The following UNC5D variants were observed in gnomAD, a reference collection of about 807,000 sequenced individuals.
UNC5D encodes the protein netrin receptor UNC5D.
A neutral mutation model predicts 105.4 loss-of-function variants in UNC5D; 39 were observed. That is an observed-to-expected ratio of 0.37 (90% CI 0.29 to 0.48). UNC5D has a LOEUF of 0.48. UNC5D is among the 20% of genes least tolerant of loss of function. UNC5D has a pLI of 0.98. For missense variants in UNC5D, 991 were observed against 1,202.4 expected, an observed-to-expected ratio of 0.82 and a Z score of 2.60; for synonymous variants, 452 against 450.4, an observed-to-expected ratio of 1.00 and a Z score of -0.04.
chr8:35,455,885 T>C (rs1386680299), intron 1 of UNC5D, among the ~76,000 whole-genome samples: 1 of 152,090 alleles, frequency 6.6e-6, no homozygotes, highest in Non-Finnish European at 1.5e-5. Flanking sequence ...TTCAATTATG[T>C]CCTGCTGGGG....
At chr8:35,774,584 T>C (rs1802155152) in intron 16 of UNC5D, 107 bp downstream of exon 16, 1 of 1,374,844 alleles carries the variant, frequency 7.3e-7, no homozygotes, top group African/African-American at 1.4e-5. Flanking sequence ...TTTTATGAGT[T>C]CCTCTGGCCA....
At position 35,278,166 on chromosome 8, in the gene UNC5D, G is replaced by T. The variant is rs117505221; in HGVS notation, c.103+42279G>T. Reference sequence around the variant, plus strand: ...ATCTAGCACTGAGTTCTGATGTCTGGTCCCTGCTCACAGTGCCCTCCAACT... The same window carrying T: ...ATCTAGCACTGAGTTCTGATGTCTGTTCCCTGCTCACAGTGCCCTCCAACT... On this transcript the variant is annotated intron_variant, in intron 1 of 16. Transcript: ENST00000404895. Among the ~76,000 whole-genome samples, 123 of 152,164 alleles carry T rather than the reference G, an allele frequency of 8.1e-4. No individual in the cohort carries two copies. In the East Asian group the frequency reaches 0.022, roughly 27 times the overall value.
Position 35,792,330 on chromosome 8 carries a change from CAT to C in UNC5D, c.*1768_*1769del, listed in dbSNP as rs1296847667. 2.0e-5 allele frequency: 3 copies of C among 152,132 alleles called. No homozygotes were observed. Among genetic ancestry groups the C allele is most frequent in the Non-Finnish European group, 2.9e-5 (2 of 68,022 alleles). The allele number at this position is 152,132 out of a possible 1,614,324, so 9.4% of individuals were successfully genotyped here. A position where few individuals can be genotyped will look rare whatever the true frequency, so the allele number is the denominator to read the frequency against. Reference sequence around the variant, plus strand: ...TGTGTTGGCCATTTTCTCTAACTAACATGTGGTATGTATGGTCCCCTATATTA... The same window carrying C: ...TGTGTTGGCCATTTTCTCTAACTAACGTGGTATGTATGGTCCCCTATATTA... On this transcript the variant is annotated 3_prime_UTR_variant, in exon 17 of 17. Transcript: ENST00000404895.
chr8:35,707,824 T>C (rs1827685840), intron 8 of UNC5D, among the ~76,000 whole-genome samples: 1 of 152,208 alleles, frequency 6.6e-6, no homozygotes, highest in Admixed American at 6.5e-5. Context: ...GAATTAGTTT[T>C]TGCTTGGGGT....
chr8:35,453,803 A>G (rs1228993654), intron 1 of UNC5D, among the ~76,000 whole-genome samples: 1 of 151,722 alleles, frequency 6.6e-6, no homozygotes. Context: ...CCACCCACCC[A>G]CTCTCCTGCC....
intron 1 of UNC5D, among the ~76,000 whole-genome samples, chr8:35,359,461 T>G (rs1366385545): frequency 6.6e-6 from 1 of 152,168 alleles, no homozygotes; most frequent in African/African-American, 2.4e-5. Flanking sequence ...TTATCAAAGT[T>G]TCTGTGTGAA....
rs1345885757 is a variant in UNC5D, at chr8:35,249,052, T to C, written c.103+13165T>C. Among the ~76,000 whole-genome samples, 3 of 111,840 alleles carry C rather than the reference T, an allele frequency of 2.7e-5. No homozygotes were observed. In the East Asian group the frequency reaches 7.2e-4, roughly 27 times the overall value. The allele number at this position is 111,840 out of a possible 152,430, so 73.4% of individuals were successfully genotyped here. On this transcript the variant is annotated intron_variant, in intron 1 of 16. Coordinates refer to ENST00000404895, the MANE Select transcript of UNC5D (RefSeq NM_080872.4). ...TTATATAATATATATTATATAAAAA[T>C]AATATATAAAATATATATAATATAT...
chr8:35,465,256 G>A (rs1055941795), intron 1 of UNC5D, among the ~76,000 whole-genome samples: 1 of 152,186 alleles, frequency 6.6e-6, no homozygotes, highest in African/African-American at 2.4e-5. Flanking sequence ...GCCAGTTGTG[G>A]TGGCATGCAC....
intron 1 of UNC5D, among the ~76,000 whole-genome samples, chr8:35,521,260 C>A (rs1159998138): frequency 6.6e-6 from 1 of 151,948 alleles, no homozygotes; most frequent in Non-Finnish European, 1.5e-5. Context: ...GAGAAAATAA[C>A]AAAGAAGAAG....
intron 1 of UNC5D, among the ~76,000 whole-genome samples, chr8:35,428,218 C>CTGT (rs769236668): frequency 9.2e-5 from 14 of 152,046 alleles, no homozygotes; most frequent in Non-Finnish European, 1.5e-4. Context: ...CACTCTGTCA[C>CTGT]CCAGGCTGGA....
intron 4 of UNC5D, among the ~76,000 whole-genome samples, chr8:35,613,234 C>A (rs917681426): frequency 3.3e-5 from 5 of 152,182 alleles, no homozygotes; most frequent in Admixed American, 6.5e-5. Context: ...GCCATCATGC[C>A]CAGCTAATTT....
At chr8:35,626,479 C>T (rs541345901) in intron 4 of UNC5D, among the ~76,000 whole-genome samples, 6 of 152,216 alleles carry the variant, frequency 3.9e-5, no homozygotes, top group African/African-American at 1.2e-4. Context: ...CCATGGAAAC[C>T]ATGCTCCTAG....
At chr8:35,271,749 A>C (rs142436169) in intron 1 of UNC5D, among the ~76,000 whole-genome samples, 1,360 of 97,268 alleles carry the variant, frequency 0.014, 100 homozygotes, top group African/African-American at 0.056. Flanking sequence ...ATATTTATAC[A>C]TGTATACATG....
At chr8:35,336,931 C>T (rs1367219094) in intron 1 of UNC5D, among the ~76,000 whole-genome samples, 2 of 152,040 alleles carry the variant, frequency 1.3e-5, no homozygotes, top group African/African-American at 4.8e-5. Flanking sequence ...GCTGGATGAA[C>T]AGATGCCAGC....
At chr8:35,555,290 A>T (rs1231635671) in intron 2 of UNC5D, among the ~76,000 whole-genome samples, 1 of 152,204 alleles carries the variant, frequency 6.6e-6, no homozygotes, top group African/African-American at 2.4e-5. Context: ...GGAAAATGTT[A>T]TGAATTCCCT....
intron 1 of UNC5D, among the ~76,000 whole-genome samples, chr8:35,496,447 G>A (rs961536112): frequency 6.6e-6 from 1 of 152,076 alleles, no homozygotes; most frequent in Admixed American, 6.6e-5. Context: ...TATCACAGTG[G>A]CCAGGGAAAA....
chr8:35,693,745 G>A (rs1826568062), intron 7 of UNC5D, among the ~76,000 whole-genome samples: 2 of 151,944 alleles, frequency 1.3e-5, no homozygotes, highest in Non-Finnish European at 2.9e-5. Context: ...TTCCCCCCAA[G>A]ATATTTCAAT....
intron 8 of UNC5D, among the ~76,000 whole-genome samples, chr8:35,721,041 T>C (rs536294731): frequency 6.6e-6 from 1 of 152,300 alleles, no homozygotes; most frequent in South Asian, 2.1e-4. Flanking sequence ...AAGTACCATA[T>C]TAGGGTGCGG....
intron 4 of UNC5D, among the ~76,000 whole-genome samples, chr8:35,599,989 TC>T (rs1819748979): frequency 6.6e-6 from 1 of 152,062 alleles, no homozygotes; most frequent in Admixed American, 6.6e-5. Flanking sequence ...TGTGTGATGT[TC>T]CCCTTCCTGT....
Sources: allele counts gnomAD v4.1 joint callset (sites outside exome capture counted in the v4.1 genomes callset), GRCh38; gene constraint gnomAD v4.1.1; transcripts MANE v1.5; gene names NCBI Gene and HGNC (gene_info 2026-07-23, HGNC 2026-07-21).